The following SLC36A1 variants were observed in gnomAD, a reference collection of about 807,000 sequenced individuals.
The protein encoded by SLC36A1 is solute carrier family 36 member 1, also known as proton-coupled amino acid transporter 1.
Under a neutral mutation model 47.5 loss-of-function variants are expected in SLC36A1, and 30 were observed. The ratio of observed to expected loss-of-function variants is 0.63; its 90% CI spans 0.47 to 0.86. The LOEUF (loss-of-function observed/expected upper bound fraction) is 0.86, where lower values mean the gene tolerates loss of function less well. Among genes scored for constraint, SLC36A1 ranks in the 40% least tolerant of loss-of-function variants. The probability of loss-of-function intolerance (pLI) is 0.00; values close to 1 mark genes in which losing one functional copy is unlikely to be tolerated. For synonymous variants in SLC36A1, 255 were observed against 249.7 expected (o/e 1.02, Z -0.20); for missense variants, 517 against 606.0 (o/e 0.85, Z 1.54).
the SLC36A1 span, chr5:151,540,488 C>CCT: frequency 2.2e-6 from 3 of 1,358,530 alleles, no homozygotes; most frequent in African/African-American, 4.3e-5. Context: ...TTCTCCTGCT[C>CCT]CTCACTCTCT....
At chr5:151,522,034 T>C in the SLC36A1 span, 2 of 1,611,778 alleles carry the variant, frequency 1.2e-6, no homozygotes, top group Non-Finnish European at 1.7e-6. Flanking sequence ...CTCTGTGACA[T>C]GGACACGGAC....
chr5:151,529,799 G>A, the SLC36A1 span, among the ~76,000 whole-genome samples: 4 of 152,116 alleles, frequency 2.6e-5, no homozygotes, highest in African/African-American at 9.7e-5. Context: ...GCTAGTAAAT[G>A]ACAGACCTCA....
the SLC36A1 span, among the ~76,000 whole-genome samples, chr5:151,424,206 A>G: frequency 2.6e-5 from 4 of 152,190 alleles, no homozygotes; most frequent in African/African-American, 9.7e-5. Flanking sequence ...AAAGTACATT[A>G]TGTTGGACAG....
At chr5:151,405,341 CTCTTTTTTT>C in the SLC36A1 span, among the ~76,000 whole-genome samples, 1 of 128,332 alleles carries the variant, frequency 7.8e-6, no homozygotes, top group African/African-American at 3.2e-5. Context: ...CCCTCTCTTT[CTCTTTTTTT>C]TTTTTTTTTT....
the SLC36A1 span, chr5:151,538,038 A>T: frequency 8.8e-7 from 1 of 1,141,016 alleles, no homozygotes; most frequent in African/African-American, 1.5e-5. Flanking sequence ...AGGCAGAAGC[A>T]GAAAGAGAGA....
At chr5:151,550,505 G>T in the SLC36A1 span, 1 of 1,452,666 alleles carries the variant, frequency 6.9e-7, no homozygotes, top group South Asian at 1.3e-5. Context: ...GAGGGGAAGG[G>T]GGACCTTCAG....
the SLC36A1 span, among the ~76,000 whole-genome samples, chr5:151,535,099 A>G: frequency 2.6e-5 from 4 of 151,480 alleles, no homozygotes; most frequent in African/African-American, 9.7e-5. Flanking sequence ...ATCATCCTAT[A>G]TGTCTTTCAA....
At chr5:151,380,172 A>G in the SLC36A1 span, among the ~76,000 whole-genome samples, 1 of 152,222 alleles carries the variant, frequency 6.6e-6, no homozygotes, top group Non-Finnish European at 1.5e-5. Flanking sequence ...CAGAAATGAA[A>G]AATAGGACAT....
intron 3 of SLC36A1, 23 bp downstream of exon 3, chr5:151,463,666 A>G (rs2127484722): frequency 6.3e-7 from 1 of 1,592,498 alleles, no homozygotes; most frequent in Non-Finnish European, 8.6e-7. Context: ...ATCAGTGGAG[A>G]GGAGTGGTGA....
chr5:151,472,721 AT>A, intron 7 of SLC36A1, among the ~76,000 whole-genome samples: 1 of 152,342 alleles, frequency 6.6e-6, no homozygotes, highest in Non-Finnish European at 1.5e-5. Flanking sequence ...CAATATAAAA[AT>A]GTACCACTTT....
the SLC36A1 span, chr5:151,380,777 A>C: frequency 1.9e-6 from 1 of 531,240 alleles, no homozygotes; most frequent in Admixed American, 2.0e-5. Context: ...GGACATTGTG[A>C]GCGCAAGGCC....
At chr5:151,445,603 G>T (rs568050402), upstream of SLC36A1, among the ~76,000 whole-genome samples, 5 of 152,188 alleles carry the variant, frequency 3.3e-5, no homozygotes, top group Admixed American at 6.5e-5. Flanking sequence ...ATCTGGTCTT[G>T]TTGGGAAGTT....
At chr5:151,380,161 T>C in the SLC36A1 span, among the ~76,000 whole-genome samples, 4 of 151,988 alleles carry the variant, frequency 2.6e-5, no homozygotes, top group East Asian at 5.8e-4. Context: ...ATTACCAATA[T>C]CAGAAATGAA....
chr5:151,465,294 T>C lies in SLC36A1; in HGVS notation c.419+125T>C, dbSNP rs995259888. The C allele has an allele frequency of 1.6e-5, 12 of 767,906 alleles. No individual in the cohort carries two copies. In the African/African-American group the frequency reaches 1.7e-4, roughly 11 times the overall value. The allele number at this position is 767,906 out of a possible 1,614,324, so 47.6% of individuals were successfully genotyped here. On this transcript the variant is annotated intron_variant, in intron 5 of 10. Transcript: ENST00000243389. ...GCTGTTTGGGTCAGTTGCCTTGGGC[T>C]GTGGCTCAGCTCTGCTGGTAGTAAG...
rs758354539 is a variant in SLC36A1 at position 151,467,764 on chromosome 5, C to G, written c.562C>G (p.Leu188Val). ...CTGCCACAACAATGAGACGGTGATT[C>G]TGACGCCTACCATGGACTCGCGACT... ...NNCHNNETVILTPTMDSRLYM... is the reference protein window; with the variant it reads ...NNCHNNETVIVTPTMDSRLYM... Residue 188 changes from leucine to valine, a missense_variant, in exon 7 of 11, where the codon CTG (leucine) becomes GTG (valine). By Grantham distance (32) the Leu-to-Val change is conservative. Coordinates refer to ENST00000243389, the MANE Select transcript of SLC36A1 (RefSeq NM_078483.4). 6.2e-7 allele frequency: 1 copy of G among 1,614,086 alleles called. No individual in the cohort carries two copies. Among genetic ancestry groups the G allele is most frequent in the East Asian group, 2.2e-5 (1 of 44,860 alleles).
the SLC36A1 span, among the ~76,000 whole-genome samples, chr5:151,530,405 C>G: frequency 6.6e-6 from 1 of 152,088 alleles, no homozygotes; most frequent in Non-Finnish European, 1.5e-5. Flanking sequence ...ATACAAGGAC[C>G]TGAGGGATAT....
At chr5:151,538,750 T>C in the SLC36A1 span, among the ~76,000 whole-genome samples, 1 of 152,158 alleles carries the variant, frequency 6.6e-6, no homozygotes, top group Non-Finnish European at 1.5e-5. Flanking sequence ...CGATCTTGGC[T>C]CACTGCAACC....
chr5:151,347,216 G>A, the SLC36A1 span: 1 of 1,549,356 alleles, frequency 6.5e-7, no homozygotes, highest in Non-Finnish European at 8.9e-7. Flanking sequence ...TTGAGGGTCA[G>A]ACACACCCAC....
At chr5:151,349,060 C>G in the SLC36A1 span, among the ~76,000 whole-genome samples, 3 of 152,196 alleles carry the variant, frequency 2.0e-5, no homozygotes, top group Non-Finnish European at 4.4e-5. Context: ...ATCCTGTGAC[C>G]TGCTCGTTTA....
Sources: gnomAD v4.1 joint callset for allele counts (sites outside exome capture counted in the v4.1 genomes callset) on GRCh38, gnomAD v4.1.1 for gene constraint, MANE v1.5 for transcripts, NCBI Gene and HGNC (gene_info 2026-07-23, HGNC 2026-07-21) for gene names.